Variants in HCRTR2 observed in about 807,000 individuals in gnomAD.
HCRTR2 encodes the protein hypocretin receptor 2, also known as orexin receptor type 2.
Under a neutral mutation model 49.0 loss-of-function variants are expected in HCRTR2, and 22 were observed. The observed-to-expected ratio is 0.45, with a 90% CI of 0.32 to 0.64. The LOEUF (loss-of-function observed/expected upper bound fraction) is 0.64. Among genes scored for constraint, HCRTR2 ranks in the 30% least tolerant of loss-of-function variants. The probability of loss-of-function intolerance (pLI) is 0.04; values close to 1 mark genes in which losing one functional copy is unlikely to be tolerated. For synonymous variants in HCRTR2, 236 were observed against 205.3 expected, an observed-to-expected ratio of 1.15 and a Z score of -1.28; for missense variants, 491 against 559.4, an observed-to-expected ratio of 0.88 and a Z score of 1.23.
At chr6:55,246,645 A>G (rs1282592769) in intron 1 of HCRTR2, among the ~76,000 whole-genome samples, 1 of 152,050 alleles carries the variant, frequency 6.6e-6, no homozygotes, top group African/African-American at 2.4e-5. Context: ...CTTGGTGGAT[A>G]ACACTTAAAT....
At chr6:55,281,224 C>T (rs1767184045) in intron 6 of HCRTR2, among the ~76,000 whole-genome samples, 1 of 152,046 alleles carries the variant, frequency 6.6e-6, no homozygotes, top group African/African-American at 2.4e-5. Context: ...GCTTCTGCAT[C>T]TTCCAACTTG....
intron 1 of HCRTR2, among the ~76,000 whole-genome samples, chr6:55,239,867 T>G (rs966435851): frequency 7.3e-6 from 1 of 136,224 alleles, no homozygotes; most frequent in African/African-American, 2.8e-5. Flanking sequence ...AACCCCCGCC[T>G]CCCGGGTTCA....
intron 1 of HCRTR2, among the ~76,000 whole-genome samples, chr6:55,177,633 A>T (rs945910302): frequency 6.6e-6 from 1 of 152,098 alleles, no homozygotes; most frequent in African/African-American, 2.4e-5. Flanking sequence ...GAAAATCTCA[A>T]CCTTTTTGGG....
intron 1 of HCRTR2, among the ~76,000 whole-genome samples, chr6:55,196,990 T>A (rs761157012): frequency 1.3e-5 from 2 of 151,038 alleles, no homozygotes; most frequent in African/African-American, 5.0e-5. Context: ...CCCAATCTTA[T>A]CTACAGCCCT....
At chr6:55,160,565 A>C (rs1037135553) in intron 1 of HCRTR2, among the ~76,000 whole-genome samples, 1 of 152,204 alleles carries the variant, frequency 6.6e-6, no homozygotes, top group Non-Finnish European at 1.5e-5. Flanking sequence ...GTCAAGACCC[A>C]ACAGTGTGCT....
chr6:55,282,645 G>A (rs111279351), downstream of HCRTR2: 3,226 of 589,608 alleles, frequency 5.5e-3, 72 homozygotes, highest in African/African-American at 0.05. Flanking sequence ...ATTTAAATAT[G>A]TTAGAAGTTT....
intron 1 of HCRTR2, among the ~76,000 whole-genome samples, chr6:55,195,291 C>A (rs1435367609): frequency 2.0e-5 from 3 of 152,050 alleles, no homozygotes; most frequent in African/African-American, 4.8e-5. Flanking sequence ...ATCAAAACAA[C>A]TTGAGGACTG....
intron 1 of HCRTR2, among the ~76,000 whole-genome samples, chr6:55,165,527 A>T (rs1463161824): frequency 1.3e-5 from 2 of 152,004 alleles, no homozygotes; most frequent in Non-Finnish European, 2.9e-5. Context: ...TCTTAGAAAG[A>T]AACACAGTAA....
downstream of HCRTR2, among the ~76,000 whole-genome samples, chr6:55,283,274 C>T (rs1445370505): frequency 6.6e-6 from 1 of 152,220 alleles, no homozygotes. Flanking sequence ...TCGATGCAAA[C>T]ATGCCTTCAA....
chr6:55,175,350 A>T (rs940793990), intron 1 of HCRTR2, among the ~76,000 whole-genome samples: 2 of 152,178 alleles, frequency 1.3e-5, no homozygotes, highest in Admixed American at 1.3e-4. Context: ...ATGAACCAGC[A>T]GGGAGTGGAG....
At chr6:55,149,341 ATAC>A (rs1184543570) in intron 1 of HCRTR2, among the ~76,000 whole-genome samples, 4 of 152,120 alleles carry the variant, frequency 2.6e-5, no homozygotes, top group Non-Finnish European at 5.9e-5. Context: ...ACAGGGTTTA[ATAC>A]TACACAGCAG....
intron 1 of HCRTR2, among the ~76,000 whole-genome samples, chr6:55,183,008 G>A (rs909533206): frequency 5.3e-5 from 8 of 152,132 alleles, no homozygotes; most frequent in Non-Finnish European, 8.8e-5. Context: ...TAGATATATC[G>A]TTGCGATTTG....
intron 2 of HCRTR2, among the ~76,000 whole-genome samples, chr6:55,254,774 T>C (rs1310175018): frequency 6.6e-6 from 1 of 151,840 alleles, no homozygotes; most frequent in African/African-American, 2.4e-5. Flanking sequence ...GTTTTTTTTT[T>C]TCTATATGAG....
chr6:55,199,266 GTT>G (rs568481093), intron 1 of HCRTR2, among the ~76,000 whole-genome samples: 2 of 140,814 alleles, frequency 1.4e-5, no homozygotes, highest in Non-Finnish European at 3.1e-5. Context: ...CCAGTTTTTT[GTT>G]TTTTTTTTTA....
chr6:55,146,346 G>A (rs1267412307), intron 1 of HCRTR2, among the ~76,000 whole-genome samples: 1 of 152,058 alleles, frequency 6.6e-6, no homozygotes, highest in Non-Finnish European at 1.5e-5. Flanking sequence ...GCAAACAAAT[G>A]CCACATGGTT....
At chr6:55,141,892 A>C (rs955569171) in intron 1 of HCRTR2, among the ~76,000 whole-genome samples, 1 of 152,212 alleles carries the variant, frequency 6.6e-6, no homozygotes, top group African/African-American at 2.4e-5. Context: ...ATAGAAACCC[A>C]TGTAAAATAC....
At chr6:55,249,957 A>G (rs1227448040) in intron 2 of HCRTR2, among the ~76,000 whole-genome samples, 3 of 152,060 alleles carry the variant, frequency 2.0e-5, no homozygotes, top group Non-Finnish European at 4.4e-5. Flanking sequence ...CCCAGTAACA[A>G]AAAATTAGGG....
At chr6:55,141,923 A>C (rs1245375518) in intron 1 of HCRTR2, among the ~76,000 whole-genome samples, 1 of 152,234 alleles carries the variant, frequency 6.6e-6, no homozygotes, top group Middle Eastern at 3.2e-3. Context: ...TATTCTTCAT[A>C]AATTAAAGAT....
upstream of HCRTR2, chr6:55,174,174 T>G: frequency 1.0e-5 from 2 of 191,662 alleles, no homozygotes; most frequent in Non-Finnish European, 1.1e-5. Flanking sequence ...AAAAAACAGA[T>G]TAAATTAGTT....
Sources: gnomAD v4.1 joint callset for allele counts (sites outside exome capture counted in the v4.1 genomes callset) on GRCh38, gnomAD v4.1.1 for gene constraint, MANE v1.5 for transcripts, NCBI Gene and HGNC (gene_info 2026-07-23, HGNC 2026-07-21) for gene names.